Variants in PPP2R5E observed in about 807,000 individuals in gnomAD.
PPP2R5E encodes the protein serine/threonine-protein phosphatase 2A 56 kDa regulatory subunit epsilon isoform.
PPP2R5E carries 4 observed loss-of-function variants against 65.3 expected under a neutral mutation model. That is an observed-to-expected ratio of 0.06 (90% CI 0.03 to 0.14). The LOEUF (loss-of-function observed/expected upper bound fraction) is 0.14, where lower values mean the gene tolerates loss of function less well. Among genes scored for constraint, PPP2R5E ranks in the 10% least tolerant of loss-of-function variants. PPP2R5E has a pLI of 1.00. For missense variants in PPP2R5E, 274 were observed against 556.1 expected, an observed-to-expected ratio of 0.49 and a Z score of 5.10; for synonymous variants, 183 against 187.4, an observed-to-expected ratio of 0.98 and a Z score of 0.19.
chr14:63,531,630 G>A (rs979620651), intron 2 of PPP2R5E, among the ~76,000 whole-genome samples: 9 of 152,072 alleles, frequency 5.9e-5, no homozygotes, highest in Middle Eastern at 3.4e-3. Flanking sequence ...CTTTCAGTTC[G>A]AAAGTAAAGC....
intron 2 of PPP2R5E, among the ~76,000 whole-genome samples, chr14:63,484,316 C>T (rs1381679021): frequency 6.8e-6 from 1 of 147,714 alleles, no homozygotes; most frequent in Non-Finnish European, 1.5e-5. Context: ...TGGATATGAT[C>T]GATCTCTTTC....
intron 2 of PPP2R5E, among the ~76,000 whole-genome samples, chr14:63,454,519 C>A (rs1889015550): frequency 6.6e-6 from 1 of 152,148 alleles, no homozygotes; most frequent in Admixed American, 6.5e-5. Context: ...TCTCTTTTTA[C>A]CCATCTTCTT....
chr14:63,418,463 G>A (rs558368310), intron 4 of PPP2R5E, among the ~76,000 whole-genome samples: 6 of 152,290 alleles, frequency 3.9e-5, no homozygotes, highest in South Asian at 4.1e-4. Context: ...AAGATTCTAC[G>A]TCAAAATCAA....
chr14:63,478,788 T>C (rs1890544058), intron 2 of PPP2R5E, among the ~76,000 whole-genome samples: 1 of 152,074 alleles, frequency 6.6e-6, no homozygotes, highest in African/African-American at 2.4e-5. Context: ...GAGAGGAGAT[T>C]AAGTCACTTA....
At chr14:63,455,131 G>A (rs541712290) in intron 2 of PPP2R5E, among the ~76,000 whole-genome samples, 1 of 152,310 alleles carries the variant, frequency 6.6e-6, no homozygotes, top group South Asian at 2.1e-4. Flanking sequence ...GCTCCCTGGA[G>A]AGGAGGGCAA....
chr14:63,383,571 T>C (rs1311193830), intron 12 of PPP2R5E, among the ~76,000 whole-genome samples: 1 of 152,204 alleles, frequency 6.6e-6, no homozygotes, highest in Non-Finnish European at 1.5e-5. Flanking sequence ...TTTTTACAAG[T>C]TCTATTAATA....
At chr14:63,455,157 C>T (rs573685832) in intron 2 of PPP2R5E, among the ~76,000 whole-genome samples, 20 of 152,202 alleles carry the variant, frequency 1.3e-4, no homozygotes, top group Non-Finnish European at 1.8e-4. Flanking sequence ...TACAGCACCC[C>T]CCTTACAGCC....
intron 13 of PPP2R5E, among the ~76,000 whole-genome samples, chr14:63,379,827 T>TCACCCTC: frequency 1.2e-5 from 1 of 80,554 alleles, no homozygotes; most frequent in East Asian, 4.2e-4. Context: ...ATTCTCTCTC[T>TCACCCTC]TTTTTTTTTT....
At chr14:63,516,792 C>T (rs867584426) in intron 2 of PPP2R5E, among the ~76,000 whole-genome samples, 1 of 152,200 alleles carries the variant, frequency 6.6e-6, no homozygotes, top group Non-Finnish European at 1.5e-5. Flanking sequence ...CAAAGCAGCT[C>T]ATATTTGGCT....
intron 2 of PPP2R5E, among the ~76,000 whole-genome samples, chr14:63,516,918 T>C (rs1892690017): frequency 6.6e-6 from 1 of 152,196 alleles, no homozygotes; most frequent in African/African-American, 2.4e-5. Context: ...ATATATAATA[T>C]ATAGTGATAT....
rs1333394182 is a variant in PPP2R5E at position 63,513,189 on chromosome 14, C to G, written c.157+26340G>C. Among the ~76,000 whole-genome samples, 4 of 152,048 alleles carry G rather than the reference C, an allele frequency of 2.6e-5. No individual in the cohort carries two copies. In the East Asian group the frequency reaches 7.7e-4, roughly 29 times the overall value. On this transcript the variant is annotated intron_variant, in intron 2 of 13. Coordinates refer to ENST00000337537, the MANE Select transcript of PPP2R5E (RefSeq NM_006246.5). Reference sequence around the variant, plus strand: ...TGAGTCTTCAGGAAGAAAGAAAATTCCTGAAGATGGATACTGATTATCTCT... The same window carrying G: ...TGAGTCTTCAGGAAGAAAGAAAATTGCTGAAGATGGATACTGATTATCTCT...
In PPP2R5E at chr14:63,421,856, A is replaced by G. The variant is rs1022428610; in HGVS notation, c.456+137T>C. On this transcript the variant is annotated intron_variant, in intron 4 of 13. Transcript: ENST00000337537. ...TCTAATTATCAAGAATAAGAAACATAAAAAACATTCTCTAACTTTCCATTA... is the reference window on the plus strand; with the variant it reads ...TCTAATTATCAAGAATAAGAAACATGAAAAACATTCTCTAACTTTCCATTA... 4.5e-6 allele frequency: 3 copies of G among 674,028 alleles called. No homozygotes were observed. The African/African-American group carries it at 5.5e-5, about 12-fold the overall frequency. The allele number at this position is 674,028 out of a possible 1,614,324, so 41.8% of individuals were successfully genotyped here.
chr14:63,530,068 G>T (rs1893348562), intron 2 of PPP2R5E, among the ~76,000 whole-genome samples: 1 of 152,118 alleles, frequency 6.6e-6, no homozygotes, highest in African/African-American at 2.4e-5. Context: ...GAATCTTTGA[G>T]AATCTGATGA....
intron 3 of PPP2R5E, among the ~76,000 whole-genome samples, chr14:63,422,911 T>C (rs1202837385): frequency 6.6e-6 from 1 of 152,158 alleles, no homozygotes; most frequent in African/African-American, 2.4e-5. Flanking sequence ...ATAGTAATGA[T>C]ACCCAGAGTA....
At chr14:63,381,825 G>C (rs1457091667) in intron 13 of PPP2R5E, among the ~76,000 whole-genome samples, 1 of 152,200 alleles carries the variant, frequency 6.6e-6, no homozygotes, top group Non-Finnish European at 1.5e-5. Flanking sequence ...GTGTGTCATA[G>C]TAGGCTACAC....
chr14:63,422,030 T>C lies in PPP2R5E; in HGVS notation c.419A>G (p.Asp140Gly). The change falls in exon 4 of 14, where the codon GAT becomes GGT. Residue 140 changes from aspartate (D) to glycine (G), a missense_variant. This residue lies in a region of PPP2R5E where 51 missense variants were observed against 101.1 expected (regional missense o/e 0.50). Transcript: ENST00000337537. ...SDSNEFDPEE[D>G]EPTLEASWPH... ...CCACGATGCCTCAAGGGTAGGTTCA[T>C]CTTCTTCTGGATCAAATTCATTGCT... 1.2e-6 allele frequency: 2 copies of C among 1,613,812 alleles called. No individual in the cohort carries two copies. Among genetic ancestry groups the C allele is most frequent in the Non-Finnish European group, 1.7e-6 (2 of 1,179,662 alleles).
At chr14:63,506,040 T>C (rs1892155552) in intron 2 of PPP2R5E, among the ~76,000 whole-genome samples, 1 of 152,206 alleles carries the variant, frequency 6.6e-6, no homozygotes, top group African/African-American at 2.4e-5. Flanking sequence ...AATATTTGCA[T>C]GCTTCAAAGG....
chr14:63,541,554 T>A (rs1373022251), intron 1 of PPP2R5E, among the ~76,000 whole-genome samples: 2 of 152,236 alleles, frequency 1.3e-5, no homozygotes, highest in African/African-American at 4.8e-5. Flanking sequence ...TGAGGCTTCA[T>A]GCAAGACTAA....
chr14:63,523,091 G>A (rs1203522918), intron 2 of PPP2R5E, among the ~76,000 whole-genome samples: 17 of 149,208 alleles, frequency 1.1e-4, no homozygotes, highest in Admixed American at 9.9e-4. Flanking sequence ...AGGTGGGGGG[G>A]TCAGCCCCCC....
Sources: allele counts gnomAD v4.1 joint callset (sites outside exome capture counted in the v4.1 genomes callset), GRCh38; gene constraint gnomAD v4.1.1; regional missense constraint gnomAD v4.1.1; transcripts MANE v1.5; gene names NCBI Gene and HGNC (gene_info 2026-07-23, HGNC 2026-07-21).